Variants in ADGRF4 observed in about 807,000 individuals in gnomAD.
ADGRF4 encodes the protein adhesion G protein-coupled receptor F4.
A neutral mutation model predicts 58.5 loss-of-function variants in ADGRF4; 63 were observed. The observed-to-expected ratio is 1.08, with a 90% confidence interval of 0.88 to 1.33. The LOEUF (loss-of-function observed/expected upper bound fraction) is 1.33. Among genes scored for constraint, ADGRF4 ranks in the 40% most tolerant of loss-of-function variants. The pLI is 0.00. For missense variants in ADGRF4, 931 were observed against 843.9 expected, an observed-to-expected ratio of 1.10 and a Z score of -1.28; for synonymous variants, 313 against 295.4, an observed-to-expected ratio of 1.06 and a Z score of -0.61.
Position 47,712,420 on chromosome 6 carries a change from T to A in ADGRF4, c.364T>A (p.Phe122Ile), listed in dbSNP as rs761380054. Reference sequence around the variant, plus strand: ...ATCTATACCTCTGCATATTCTAGACTTTCGAGCTCCAGAGACCATTGAGAG... The same window carrying A: ...ATCTATACCTCTGCATATTCTAGACATTCGAGCTCCAGAGACCATTGAGAG... ...APSIPLHILD[F>I]RAPETIESVA... Residue 122 changes from phenylalanine (F) to isoleucine (I), a missense_variant, in exon 5 of 10, where the codon TTT becomes ATT. Phe to Ile is a conservative substitution (Grantham distance 21). Transcript: ENST00000283303. The A allele has an allele frequency of 6.2e-7, 1 of 1,614,024 alleles. No homozygotes were observed. The highest frequency in any genetic ancestry group is 2.2e-5 in the East Asian group (1 of 44,876).
intron 1 of ADGRF4, among the ~76,000 whole-genome samples, chr6:47,705,408 C>A (rs1409695785): frequency 6.6e-6 from 1 of 152,200 alleles, no homozygotes; most frequent in Non-Finnish European, 1.5e-5. Context: ...ATGGAGACTT[C>A]TTTCTACCCA....
At chr6:47,699,342 G>T (rs9367300) in intron 1 of ADGRF4, among the ~76,000 whole-genome samples, 1 of 152,210 alleles carries the variant, frequency 6.6e-6, no homozygotes, top group East Asian at 1.9e-4. Context: ...GTTGTGAGAG[G>T]TCTAAAGTGT....
In ADGRF4 at chr6:47,713,667, T is replaced by C. The variant is rs1267603060; in HGVS notation, c.553-131T>C. 9 of 657,308 alleles carry C rather than the reference T, an allele frequency of 1.4e-5. No homozygotes were observed. In the East Asian group the frequency reaches 2.0e-4, roughly 15 times the overall value. The allele number at this position is 657,308 out of a possible 1,614,324, so 40.7% of individuals were successfully genotyped here. On this transcript the variant is annotated intron_variant, in intron 5 of 9. Transcript: ENST00000283303. ...CCTTACTAATGTGGATTCTAATACATAGGGAATTTGAAGAGAAATATGCCA... is the reference window on the plus strand; with the variant it reads ...CCTTACTAATGTGGATTCTAATACACAGGGAATTTGAAGAGAAATATGCCA...
Position 47,712,401 on chromosome 6 carries a change from ACCTC to A in ADGRF4, c.346_349del (p.Pro116CysfsTer4), listed in dbSNP as rs1561867613. The A allele has an allele frequency of 1.2e-6, 2 of 1,613,826 alleles. No individual in the cohort carries two copies. Among genetic ancestry groups the A allele is most frequent in the Admixed American group, 3.3e-5 (2 of 60,006 alleles). ...GCCTTTCTGTAGCAGCACCATCTAT[ACCTC>A]TGCATATTCTAGACTTTCGAGCTCC... On this transcript the variant is annotated frameshift_variant, in exon 5 of 10. Coordinates refer to ENST00000283303, the MANE Select transcript of ADGRF4 (RefSeq NM_153838.5). LOFTEE classifies it high-confidence loss of function.
At chr6:47,708,309 T>C in intron 3 of ADGRF4, 31 bp downstream of exon 3, 1 of 1,537,668 alleles carries the variant, frequency 6.5e-7, no homozygotes. Flanking sequence ...CTTCATCCAT[T>C]TGAAGACAGG....
At position 47,713,956 on chromosome 6, in the gene ADGRF4, A is replaced by T. The variant is rs1347028027; in HGVS notation, c.711A>T (p.Glu237Asp). ...IHNNSENIVNELFIQTKGFHI... is the reference protein window; with the variant it reads ...IHNNSENIVNDLFIQTKGFHI... The stretch of plus-strand genomic sequence containing the variant: ...ATAATTCTGAGAACATTGTGAATGA[A>T]CTCTTCATTCAGACAAAAGGGTTTC... Residue 237 changes from glutamate to aspartate, a missense_variant, in exon 6 of 10, where the codon GAA becomes GAT. Physicochemically the swap from Glu to Asp is conservative, Grantham distance 45 (BLOSUM62 2). Coordinates refer to ENST00000283303, the MANE Select transcript of ADGRF4 (RefSeq NM_153838.5). 5 of 1,607,110 alleles carry T rather than the reference A, an allele frequency of 3.1e-6. No individual in the cohort carries two copies. Among genetic ancestry groups the T allele is most frequent in the Non-Finnish European group, 4.2e-6 (5 of 1,176,840 alleles).
Position 47,715,075 on chromosome 6 carries a change from C to T in ADGRF4, c.1830C>T (p.Leu610=), listed in dbSNP as rs372358263. 1.3e-5 allele frequency: 21 copies of T among 1,613,184 alleles called. No individual in the cohort carries two copies. In the African/African-American group the frequency reaches 2.7e-4, roughly 20 times the overall value. The change falls in exon 6 of 10, where the codon CTC becomes CTT. Residue 610 remains leucine, a synonymous_variant. Transcript: ENST00000283303. ...GGATCAGCAAAAATGTTGCCATCCT[C>T]ACTCCACTGCTGGGACTGACCTGGG... The part of the protein sequence containing the change: ...IMRISKNVAI[L]TPLLGLTWGF...
intron 4 of ADGRF4, among the ~76,000 whole-genome samples, chr6:47,711,096 G>A (rs572571825): frequency 2.1e-4 from 28 of 132,060 alleles, no homozygotes; most frequent in Middle Eastern, 7.6e-3. Flanking sequence ...TATTTCTCCC[G>A]CTAAGAAACT....
intron 1 of ADGRF4, among the ~76,000 whole-genome samples, chr6:47,703,505 G>C (rs1038177162): frequency 6.6e-6 from 1 of 152,164 alleles, no homozygotes; most frequent in Non-Finnish European, 1.5e-5. Flanking sequence ...AAATAAAAAT[G>C]CTATGATTCC....
At chr6:47,699,479 A>T (rs1771536414) in intron 1 of ADGRF4, among the ~76,000 whole-genome samples, 1 of 152,228 alleles carries the variant, frequency 6.6e-6, no homozygotes, top group South Asian at 2.1e-4. Flanking sequence ...ATAAGTATCA[A>T]GATAGTTGGT....
chr6:47,712,372 T>C lies in ADGRF4; in HGVS notation c.316T>C (p.Ser106Pro). 6.2e-7 allele frequency: 1 copy of C among 1,613,970 alleles called. No homozygotes were observed. The highest frequency in any genetic ancestry group is 8.5e-7 in the Non-Finnish European group (1 of 1,179,888). ...TTTTAAACAGGACTCAACTGGTGCA[T>C]CTCGCCTTTCTGTAGCAGCACCATC... ...EKLFKDSTGA[S>P]RLSVAAPSIP... The change falls in exon 5 of 10, where the codon TCT becomes CCT. Residue 106 changes from serine to proline, a missense_variant. Transcript: ENST00000283303.
At chr6:47,700,105 T>A (rs1771557893) in intron 1 of ADGRF4, among the ~76,000 whole-genome samples, 1 of 152,184 alleles carries the variant, frequency 6.6e-6, no homozygotes, top group South Asian at 2.1e-4. Context: ...CACCTTGTGG[T>A]ACAGTTCCGG....
intron 3 of ADGRF4, among the ~76,000 whole-genome samples, chr6:47,709,850 T>TTTTTC (rs386406962): frequency 3.6e-5 from 1 of 28,060 alleles, no homozygotes; most frequent in Non-Finnish European, 1.2e-4. Flanking sequence ...AGCATCACAG[T>TTTTTC]TTTTTTTTTG....
At chr6:47,711,283 A>C (rs894820397) in intron 4 of ADGRF4, among the ~76,000 whole-genome samples, 1 of 151,806 alleles carries the variant, frequency 6.6e-6, no homozygotes, top group Non-Finnish European at 1.5e-5. Context: ...TTTGTTTTTG[A>C]AATGGAGTCT....
At chr6:47,716,241 T>C (rs1161034697) in intron 6 of ADGRF4, among the ~76,000 whole-genome samples, 1 of 152,184 alleles carries the variant, frequency 6.6e-6, no homozygotes, top group African/African-American at 2.4e-5. Context: ...CTGATGAGTG[T>C]TTCTTCACCA....
chr6:47,705,413 T>C (rs1771687280), intron 1 of ADGRF4, among the ~76,000 whole-genome samples: 1 of 152,254 alleles, frequency 6.6e-6, no homozygotes, highest in Admixed American at 6.5e-5. Context: ...GACTTCTTTC[T>C]ACCCACACTG....
chr6:47,703,229 C>T (rs530577434), intron 1 of ADGRF4, among the ~76,000 whole-genome samples: 1 of 152,286 alleles, frequency 6.6e-6, no homozygotes, highest in South Asian at 2.1e-4. Flanking sequence ...ATGTGTGTTT[C>T]CTCCTTTACA....
chr6:47,714,727 A>AG lies in ADGRF4; in HGVS notation c.1483dup (p.Ala495GlyfsTer14). 6.2e-7 allele frequency: 1 copy of AG among 1,614,062 alleles called. No individual in the cohort carries two copies. The highest frequency in any genetic ancestry group is 8.5e-7 in the Non-Finnish European group (1 of 1,179,940). On this transcript the variant is annotated frameshift_variant, in exon 6 of 10. Coordinates refer to ENST00000283303, the MANE Select transcript of ADGRF4 (RefSeq NM_153838.5). LOFTEE classifies it high-confidence loss of function. ...CTCTGTTTTTCTGGATGCTCTTCAAAGCATTGCTCATCATTTATGGAATAT... is the reference window on the plus strand; with the variant it reads ...CTCTGTTTTTCTGGATGCTCTTCAAAGGCATTGCTCATCATTTATGGAATAT...
chr6:47,712,277 G>T, intron 4 of ADGRF4, 80 bp from the exon 5 acceptor site: 1 of 1,405,782 alleles, frequency 7.1e-7, no homozygotes, highest in South Asian at 1.2e-5. Context: ...TACCCATGTA[G>T]ATTGTGCTTT....
Sources: gnomAD v4.1 joint callset for allele counts (sites outside exome capture counted in the v4.1 genomes callset) on GRCh38, gnomAD v4.1.1 for gene constraint, MANE v1.5 for transcripts, NCBI Gene and HGNC (gene_info 2026-07-23, HGNC 2026-07-21) for gene names.